Variants in RAD51B observed in about 807,000 individuals in gnomAD.
The protein encoded by RAD51B is RAD51 paralog B, also known as DNA repair protein RAD51 homolog 2.
In RAD51B, 38 loss-of-function variants were observed where a neutral mutation model predicts 42.2. That is an observed-to-expected ratio of 0.90 (90% CI 0.70 to 1.18). The LOEUF is 1.18. Ranked by LOEUF, RAD51B falls within the 50% of genes most tolerant of loss-of-function variation. The pLI is 0.00. For missense variants in RAD51B, 373 were observed against 400.7 expected (o/e 0.93, Z 0.59); for synonymous variants, 154 against 145.2 (o/e 1.06, Z -0.43).
At chr14:68,153,028 G>A (rs148514356) in intron 7 of RAD51B, among the ~76,000 whole-genome samples, 1 of 152,134 alleles carries the variant, frequency 6.6e-6, no homozygotes, top group South Asian at 2.1e-4. Context: ...TTGATTCCAT[G>A]TCCTTGCTAT....
chr14:68,322,704 G>T (rs1484672587), intron 8 of RAD51B, among the ~76,000 whole-genome samples: 1 of 152,154 alleles, frequency 6.6e-6, no homozygotes, highest in African/African-American at 2.4e-5. Flanking sequence ...GATGCACTCT[G>T]TGGAAAGGCC....
intron 7 of RAD51B, among the ~76,000 whole-genome samples, chr14:68,229,013 C>G (rs1378039597): frequency 6.6e-6 from 1 of 152,178 alleles, no homozygotes; most frequent in Admixed American, 6.5e-5. Context: ...TCTTAACTTA[C>G]AGATTATAAA....
At chr14:68,651,578 T>A (rs1272323057) in intron 11 of RAD51B, among the ~76,000 whole-genome samples, 1 of 152,168 alleles carries the variant, frequency 6.6e-6, no homozygotes, top group Admixed American at 6.5e-5. Flanking sequence ...AGTCGAACCC[T>A]CTAGACCACT....
At chr14:67,847,632 G>C (rs1374180580) in intron 4 of RAD51B, among the ~76,000 whole-genome samples, 1 of 152,024 alleles carries the variant, frequency 6.6e-6, no homozygotes, top group Non-Finnish European at 1.5e-5. Flanking sequence ...TGGCACTGTG[G>C]TCTGATAGTG....
chr14:67,975,588 G>A (rs765537705), intron 7 of RAD51B, among the ~76,000 whole-genome samples: 8 of 152,202 alleles, frequency 5.3e-5, no homozygotes, highest in Non-Finnish European at 7.3e-5. Flanking sequence ...AGTAGTCTGA[G>A]AGAGACTCCA....
intron 7 of RAD51B, among the ~76,000 whole-genome samples, chr14:68,199,683 C>T (rs988816388): frequency 3.5e-4 from 54 of 152,288 alleles, no homozygotes; most frequent in African/African-American, 1.3e-3. Flanking sequence ...TTCTTTGGTC[C>T]GAGACCCAAT....
chr14:68,375,812 T>C (rs563269239), intron 8 of RAD51B, among the ~76,000 whole-genome samples: 2 of 152,226 alleles, frequency 1.3e-5, no homozygotes, highest in African/African-American at 4.8e-5. Flanking sequence ...ATTCTGGATA[T>C]ATTTGATAGG....
chr14:68,254,013 G>T (rs894176255), intron 7 of RAD51B, among the ~76,000 whole-genome samples: 22 of 152,176 alleles, frequency 1.4e-4, no homozygotes, highest in African/African-American at 5.3e-4. Flanking sequence ...TTGATGTGCA[G>T]TGTTAGGTGA....
chr14:68,604,009 C>A (rs1025426756), intron 10 of RAD51B, among the ~76,000 whole-genome samples: 1 of 152,262 alleles, frequency 6.6e-6, no homozygotes, highest in East Asian at 1.9e-4. Flanking sequence ...GAGGCCACAG[C>A]GGCCTCAGGC....
At chr14:68,328,761 C>T (rs778050527) in intron 8 of RAD51B, among the ~76,000 whole-genome samples, 3 of 152,148 alleles carry the variant, frequency 2.0e-5, no homozygotes, top group Non-Finnish European at 2.9e-5. Flanking sequence ...TTTGGCCGAG[C>T]CTTCTGGGGA....
At chr14:68,544,752 C>G (rs1255859130) in intron 10 of RAD51B, among the ~76,000 whole-genome samples, 1 of 152,182 alleles carries the variant, frequency 6.6e-6, no homozygotes, top group African/African-American at 2.4e-5. Context: ...TTTCTGAGAG[C>G]AGGCATCAAG....
At position 68,644,130 on chromosome 14, in the gene RAD51B, CTGGCATCCT is replaced by C. The variant is rs1892519222; in HGVS notation, c.1037-6650_1037-6642del. Among the ~76,000 whole-genome samples, 2 of 152,226 alleles carry C rather than the reference CTGGCATCCT, an allele frequency of 1.3e-5. 1 individual carries two copies. Among genetic ancestry groups the C allele is most frequent in the Admixed American group, 1.3e-4 (2 of 15,280 alleles). ...TGTTTTAGGCTTGACCTTGGCATTG[CTGGCATCCT>C]AATTCCTGCAACGAGCATTTACTTG... is the stretch of plus-strand genomic sequence containing the variant. On this transcript the variant is annotated intron_variant, in intron 10 of 11. Coordinates refer to the RAD51B transcript ENST00000488612.
Position 68,354,607 on chromosome 14 carries a change from A to G in RAD51B, c.854-56817A>G, listed in dbSNP as rs577847996. Among the ~76,000 whole-genome samples, 11 of 152,222 alleles carry G rather than the reference A, an allele frequency of 7.2e-5. No individual in the cohort carries two copies. In the East Asian group the frequency reaches 1.9e-3, roughly 27 times the overall value. On this transcript the variant is annotated intron_variant, in intron 8 of 10. Transcript: ENST00000471583. ...GAATTGGCCAGGTGTGGTGGCTCACACCTGTAATCCCAGAACTTTAGGAGA... is the reference window on the plus strand; with the variant it reads ...GAATTGGCCAGGTGTGGTGGCTCACGCCTGTAATCCCAGAACTTTAGGAGA...
At chr14:67,880,552 C>G (rs1776982551) in intron 5 of RAD51B, among the ~76,000 whole-genome samples, 1 of 152,188 alleles carries the variant, frequency 6.6e-6, no homozygotes, top group Non-Finnish European at 1.5e-5. Flanking sequence ...CCATAGTGCA[C>G]AGTTTGACAA....
chr14:68,179,390 A>G (rs1011864203), intron 7 of RAD51B, among the ~76,000 whole-genome samples: 1 of 152,150 alleles, frequency 6.6e-6, no homozygotes, highest in African/African-American at 2.4e-5. Flanking sequence ...TTTACCTAAA[A>G]AGTTCGCAAA....
chr14:68,441,548 A>G (rs1044050948), intron 9 of RAD51B, among the ~76,000 whole-genome samples: 4 of 151,250 alleles, frequency 2.6e-5, no homozygotes, highest in African/African-American at 7.3e-5. Flanking sequence ...TCTCAAAAAA[A>G]AAAAAAAAAA....
intron 5 of RAD51B, among the ~76,000 whole-genome samples, chr14:67,866,401 G>A (rs2042337885): frequency 6.6e-6 from 1 of 152,110 alleles, no homozygotes; most frequent in Non-Finnish European, 1.5e-5. Flanking sequence ...ACTAGCCTTC[G>A]ACTAACAAGC....
intron 8 of RAD51B, among the ~76,000 whole-genome samples, chr14:68,344,946 C>CA (rs34579667): frequency 0.45 from 50,608 of 112,050 alleles, 13,102 homozygotes; most frequent in Non-Finnish European, 0.59. Flanking sequence ...GACTCAATCT[C>CA]AAAAAAAAAA....
chr14:68,610,929 TATTCA>T (rs1458994639), intron 10 of RAD51B: 21 of 660,048 alleles, frequency 3.2e-5, no homozygotes, highest in Non-Finnish European at 5.8e-5. Context: ...GAACAGTTAT[TATTCA>T]ATGTTGTTTC....
Sources: gnomAD v4.1 joint callset for allele counts (sites outside exome capture counted in the v4.1 genomes callset) on GRCh38, gnomAD v4.1.1 for gene constraint, MANE v1.5 for transcripts, NCBI Gene and HGNC (gene_info 2026-07-23, HGNC 2026-07-21) for gene names.